The following CLDN16 variants were observed in gnomAD, a reference collection of about 807,000 sequenced individuals.
The protein encoded by CLDN16 is claudin-16.
Under a neutral mutation model 24.6 loss-of-function variants are expected in CLDN16, and 13 were observed. The ratio of observed to expected loss-of-function variants is 0.53; its 90% confidence interval spans 0.34 to 0.84. The LOEUF (loss-of-function observed/expected upper bound fraction) is 0.84, where lower values mean the gene tolerates loss of function less well. CLDN16 is among the 40% of genes least tolerant of loss of function. CLDN16 has a pLI of 0.01. For synonymous variants in CLDN16, 116 were observed against 106.7 expected, an observed-to-expected ratio of 1.09 and a Z score of -0.54; for missense variants, 298 against 292.7, an observed-to-expected ratio of 1.02 and a Z score of -0.13.
At chr3:190,336,867 T>A (rs1241888070) in intron 1 of CLDN16, among the ~76,000 whole-genome samples, 1 of 152,204 alleles carries the variant, frequency 6.6e-6, no homozygotes, top group Non-Finnish European at 1.5e-5. Context: ...CCAACAGCAA[T>A]TATTTATAAA....
chr3:190,334,178 T>G (rs1717246478), intron 1 of CLDN16, among the ~76,000 whole-genome samples: 1 of 152,218 alleles, frequency 6.6e-6, no homozygotes, highest in Non-Finnish European at 1.5e-5. Context: ...TGTAGCAAAC[T>G]GGAGTACAGA....
chr3:190,308,596 C>T, the CLDN16 span, among the ~76,000 whole-genome samples: 6 of 151,932 alleles, frequency 3.9e-5, no homozygotes, highest in African/African-American at 1.5e-4. Flanking sequence ...TGAACATACA[C>T]GCCAAAGAAT....
At chr3:190,372,755 A>G (rs1718168913) in intron 2 of CLDN16, among the ~76,000 whole-genome samples, 1 of 151,940 alleles carries the variant, frequency 6.6e-6, no homozygotes, top group Admixed American at 6.6e-5. Context: ...CTTTCCTTCA[A>G]TCCTCTCCTT....
chr3:190,358,508 C>T (rs1355477160), intron 1 of CLDN16, among the ~76,000 whole-genome samples: 1 of 151,926 alleles, frequency 6.6e-6, no homozygotes, highest in East Asian at 1.9e-4. Context: ...TGTGAATTCT[C>T]TACCACACAC....
At chr3:190,334,696 T>C (rs1340880130) in intron 1 of CLDN16, among the ~76,000 whole-genome samples, 1 of 152,240 alleles carries the variant, frequency 6.6e-6, no homozygotes, top group African/African-American at 2.4e-5. Context: ...TCATCTTCTT[T>C]GTTAGGAGGG....
the CLDN16 span, among the ~76,000 whole-genome samples, chr3:190,316,171 A>G: frequency 4.6e-5 from 7 of 152,230 alleles, no homozygotes; most frequent in Admixed American, 2.6e-4. Context: ...AGTAATGGAG[A>G]AAATGGAAAA....
At chr3:190,389,012 A>G (rs1033243573) in intron 1 of CLDN16, among the ~76,000 whole-genome samples, 6 of 152,184 alleles carry the variant, frequency 3.9e-5, no homozygotes, top group African/African-American at 9.6e-5. Context: ...GTGCATCCCA[A>G]TGTACGGGGG....
chr3:190,377,554 G>C (rs534779787), intron 3 of CLDN16, among the ~76,000 whole-genome samples: 1 of 152,066 alleles, frequency 6.6e-6, no homozygotes, highest in South Asian at 2.1e-4. Flanking sequence ...TCTGTTTAAA[G>C]TCTCCTTAGA....
chr3:190,312,024 G>A, the CLDN16 span, among the ~76,000 whole-genome samples: 5 of 150,902 alleles, frequency 3.3e-5, no homozygotes, highest in Admixed American at 6.6e-5. Context: ...CTCGGCTCCC[G>A]AGTTGAGGTG....
At chr3:190,379,835 A>T (rs145847141) in intron 3 of CLDN16, among the ~76,000 whole-genome samples, 1,656 of 152,138 alleles carry the variant, frequency 0.011, 13 homozygotes, top group Non-Finnish European at 0.016. Flanking sequence ...TACATCAACC[A>T]TTATCTTTTC....
chr3:190,322,181 A>G, upstream of CLDN16: 1 of 1,614,044 alleles, frequency 6.2e-7, no homozygotes, highest in South Asian at 1.1e-5. Flanking sequence ...AATGAAGCCC[A>G]ACAGCTGCAG....
chr3:190,399,709 TA>T (rs1560097139), intron 1 of CLDN16, among the ~76,000 whole-genome samples: 1 of 152,122 alleles, frequency 6.6e-6, no homozygotes, highest in Non-Finnish European at 1.5e-5. Flanking sequence ...TATTTGAAAT[TA>T]TATCATTATT....
the CLDN16 span, among the ~76,000 whole-genome samples, chr3:190,302,779 A>AAAAAAAAT: frequency 7.1e-6 from 1 of 140,178 alleles, no homozygotes. Flanking sequence ...CTCAAAAAAA[A>AAAAAAAAT]ATATATATAT....
chr3:190,361,769 G>A lies in CLDN16; in HGVS notation n.122-9124G>A, dbSNP rs147853403. Among the ~76,000 whole-genome samples the A allele has an allele frequency of 3.8e-3, 581 of 151,838 alleles. 4 individuals carry two copies. Among genetic ancestry groups the A allele is most frequent in the South Asian group, 0.018 (88 of 4,812 alleles). ...CCTGAAAAATTGAGCTGCAAACATA[G>A]ATAAACAAGCTGGAACCTTGCACAG... On this transcript the variant is annotated intron_variant and non_coding_transcript_variant, in intron 1 of 4. Coordinates refer to the CLDN16 transcript ENST00000468220.
upstream of CLDN16, among the ~76,000 whole-genome samples, chr3:190,383,473 G>A (rs1718414403): frequency 6.6e-6 from 1 of 152,122 alleles, no homozygotes; most frequent in Non-Finnish European, 1.5e-5. Context: ...GAAGATGACT[G>A]CATGATGGAG....
At chr3:190,359,900 C>T (rs768724724) in intron 1 of CLDN16, among the ~76,000 whole-genome samples, 3 of 151,918 alleles carry the variant, frequency 2.0e-5, no homozygotes, top group Non-Finnish European at 4.4e-5. Flanking sequence ...CTATGAGGCT[C>T]GATGTGAAGA....
chr3:190,321,752 G>A (rs188389801), upstream of CLDN16, among the ~76,000 whole-genome samples: 1 of 152,312 alleles, frequency 6.6e-6, no homozygotes, highest in African/African-American at 2.4e-5. Context: ...GCCACACCTA[G>A]AGTGGCAGAA....
intron 1 of CLDN16, among the ~76,000 whole-genome samples, chr3:190,359,730 C>A (rs138901347): frequency 6.6e-6 from 1 of 151,864 alleles, no homozygotes. Flanking sequence ...AGTGCTTCAG[C>A]GAGCCAGGTC....
At chr3:190,291,420 G>C in the CLDN16 span, among the ~76,000 whole-genome samples, 16 of 152,144 alleles carry the variant, frequency 1.1e-4, no homozygotes, top group African/African-American at 3.9e-4. Context: ...AGGCAAGAGA[G>C]GGTGTAACAG....
Sources: gnomAD v4.1 joint callset for allele counts (sites outside exome capture counted in the v4.1 genomes callset) on GRCh38, gnomAD v4.1.1 for gene constraint, MANE v1.5 for transcripts, NCBI Gene and HGNC (gene_info 2026-07-23, HGNC 2026-07-21) for gene names.